Variants in RAB27B observed in about 807,000 individuals in gnomAD.
The protein encoded by RAB27B is RAB27B, member RAS oncogene family.
A neutral mutation model predicts 24.6 loss-of-function variants in RAB27B; 15 were observed. That is an observed-to-expected ratio of 0.61 (90% CI 0.41 to 0.94). The LOEUF is 0.94. RAB27B is among the 40% of genes least tolerant of loss of function. The pLI, the probability that RAB27B is intolerant of heterozygous loss-of-function variation, is 0.00. For synonymous variants in RAB27B, 105 were observed against 92.5 expected (o/e 1.14, Z -0.78); for missense variants, 261 against 266.8 (o/e 0.98, Z 0.15).
At chr18:54,758,047 C>G (rs1338681547) in intron 2 of RAB27B, among the ~76,000 whole-genome samples, 1 of 151,942 alleles carries the variant, frequency 6.6e-6, no homozygotes, top group Non-Finnish European at 1.5e-5. Context: ...GCTCTCGGCT[C>G]TGTTGAGTAT....
At chr18:54,819,273 CTTAT>C (rs1359777491) in intron 2 of RAB27B, among the ~76,000 whole-genome samples, 5 of 147,280 alleles carry the variant, frequency 3.4e-5, no homozygotes, top group African/African-American at 7.4e-5. Context: ...TATTACATTA[CTTAT>C]TTTAGTATAC....
At chr18:54,735,531 T>C (rs1439087879) in intron 2 of RAB27B, among the ~76,000 whole-genome samples, 4 of 151,312 alleles carry the variant, frequency 2.6e-5, no homozygotes, top group Admixed American at 2.0e-4. Context: ...TTTCTGACAC[T>C]TTTTTTTTGA....
intron 5 of RAB27B, among the ~76,000 whole-genome samples, chr18:54,888,876 G>A (rs139262920): frequency 2.6e-4 from 40 of 152,214 alleles, no homozygotes; most frequent in African/African-American, 9.4e-4. Context: ...GAGTGGAAGG[G>A]AAGCAATATT....
intron 2 of RAB27B, among the ~76,000 whole-genome samples, chr18:54,733,662 C>CCA (rs1278956123): frequency 8.1e-5 from 11 of 136,254 alleles, no homozygotes; most frequent in Admixed American, 7.3e-4. Flanking sequence ...CCCCCCCCCC[C>CCA]AAATTTGCTA....
intron 2 of RAB27B, among the ~76,000 whole-genome samples, chr18:54,764,726 T>C (rs2145057414): frequency 6.6e-6 from 1 of 152,284 alleles, no homozygotes; most frequent in African/African-American, 2.4e-5. Context: ...TTTTCCATTG[T>C]CCCTTTTATT....
rs1403105393 is a variant in RAB27B, at chr18:54,820,137, T to A, written c.-19-57430T>A. ...TATAATCCTTTGGGTATATACCCGGTAATGGGATAGCTGGGTCAAATGGTA... is the reference window on the plus strand; with the variant it reads ...TATAATCCTTTGGGTATATACCCGGAAATGGGATAGCTGGGTCAAATGGTA... On this transcript the variant is annotated intron_variant, in intron 2 of 4. Transcript: ENST00000586570. Among the ~76,000 whole-genome samples, 7 of 152,272 alleles carry A rather than the reference T, an allele frequency of 4.6e-5. No homozygotes were observed. The East Asian group carries it at 1.4e-3, about 29-fold the overall frequency.
At chr18:54,785,681 T>C (rs528885806) in intron 2 of RAB27B, among the ~76,000 whole-genome samples, 6 of 152,304 alleles carry the variant, frequency 3.9e-5, no homozygotes, top group African/African-American at 1.4e-4. Context: ...TTCCCTGTTC[T>C]ATGCTCAATG....
intron 1 of RAB27B, among the ~76,000 whole-genome samples, chr18:54,851,674 CT>C (rs1415803163): frequency 1.3e-5 from 2 of 152,084 alleles, no homozygotes; most frequent in African/African-American, 4.8e-5. Context: ...TCTTGTTTGT[CT>C]GCTTTTTTTT....
At chr18:54,868,815 CG>C in intron 1 of RAB27B, among the ~76,000 whole-genome samples, 1 of 152,108 alleles carries the variant, frequency 6.6e-6, no homozygotes, top group Admixed American at 6.5e-5. Context: ...TTAGTAGAGA[CG>C]GGGTTTCACC....
Position 54,889,570 on chromosome 18 carries a change from T to C in RAB27B, c.*157T>C. 1 of 679,018 alleles carries C rather than the reference T, an allele frequency of 1.5e-6. No individual in the cohort carries two copies. The highest frequency in any genetic ancestry group is 2.3e-6 in the Non-Finnish European group (1 of 430,772). The allele number at this position is 679,018 out of a possible 1,614,324, so 42.1% of individuals were successfully genotyped here. A position where few individuals can be genotyped will look rare whatever the true frequency, so the allele number is the denominator to read the frequency against. ...TTTAAGAAACCAGAATAGTCAACAGTGTTCAAAAGAATTGACTAGTTATCC... is the reference window on the plus strand; with the variant it reads ...TTTAAGAAACCAGAATAGTCAACAGCGTTCAAAAGAATTGACTAGTTATCC... On this transcript the variant is annotated 3_prime_UTR_variant, in exon 6 of 6. Coordinates refer to ENST00000262094, the MANE Select transcript of RAB27B (RefSeq NM_004163.4).
At chr18:54,826,572 G>A (rs192935720), upstream of RAB27B, among the ~76,000 whole-genome samples, 142 of 152,316 alleles carry the variant, frequency 9.3e-4, 1 homozygote, top group African/African-American at 3.0e-3. Flanking sequence ...CCCTGCAAGA[G>A]TTGGCCCTAT....
intron 1 of RAB27B, among the ~76,000 whole-genome samples, chr18:54,872,625 T>TA (rs67765103): frequency 0.25 from 34,202 of 137,352 alleles, 4,181 homozygotes; most frequent in South Asian, 0.37. Context: ...AACTCTGCCT[T>TA]AAAAAAAAAA....
At chr18:54,843,425 A>T (rs1228009998) in intron 1 of RAB27B, among the ~76,000 whole-genome samples, 1 of 152,176 alleles carries the variant, frequency 6.6e-6, no homozygotes, top group East Asian at 1.9e-4. Flanking sequence ...ACTCACTGCA[A>T]AGAGAATTTA....
intron 1 of RAB27B, among the ~76,000 whole-genome samples, chr18:54,846,954 G>A (rs562383838): frequency 2.6e-5 from 4 of 152,002 alleles, no homozygotes; most frequent in African/African-American, 9.7e-5. Flanking sequence ...GGGTTCGAGC[G>A]ATTCTCCTGC....
rs929984564 is a variant in RAB27B, at chr18:54,873,223, C to T, written c.-19-4344C>T. ...ACCTGATTACTTGAATTCCTTTTTA[C>T]CTTTACGACTCTTCATTAAACAGAG... On this transcript the variant is annotated intron_variant, in intron 1 of 5. Coordinates refer to ENST00000262094, the MANE Select transcript of RAB27B (RefSeq NM_004163.4). Among the ~76,000 whole-genome samples, 6 of 152,296 alleles carry T rather than the reference C, an allele frequency of 3.9e-5. No homozygotes were observed. In the South Asian group the frequency reaches 1.0e-3, roughly 26 times the overall value.
chr18:54,844,252 A>C (rs963878217), intron 1 of RAB27B, among the ~76,000 whole-genome samples: 1 of 152,116 alleles, frequency 6.6e-6, no homozygotes, highest in Admixed American at 6.5e-5. Flanking sequence ...TAATCCTAAA[A>C]ATTTTCACTA....
chr18:54,803,465 C>T (rs1387233956), intron 2 of RAB27B, among the ~76,000 whole-genome samples: 1 of 152,078 alleles, frequency 6.6e-6, no homozygotes. Context: ...TTGTGTTTTC[C>T]CCTAAACATG....
chr18:54,767,585 T>A (rs1326424638), intron 2 of RAB27B, among the ~76,000 whole-genome samples: 1 of 152,228 alleles, frequency 6.6e-6, no homozygotes, highest in Non-Finnish European at 1.5e-5. Flanking sequence ...TGCCCTTTTG[T>A]GTTTTAGATG....
rs992746406 is a variant in RAB27B, at chr18:54,890,162, A to G, written c.*749A>G. Reference sequence around the variant, plus strand: ...CATTTCTACAGCTGAAATTCAATGTATCTGTTAGAGATGTCTGGAAGGGTT... The same window carrying G: ...CATTTCTACAGCTGAAATTCAATGTGTCTGTTAGAGATGTCTGGAAGGGTT... On this transcript the variant is annotated 3_prime_UTR_variant, in exon 6 of 6. Coordinates refer to ENST00000262094, the MANE Select transcript of RAB27B (RefSeq NM_004163.4). 1.3e-5 allele frequency: 2 copies of G among 152,134 alleles called. No homozygotes were observed. Among genetic ancestry groups the G allele is most frequent in the Non-Finnish European group, 2.9e-5 (2 of 67,980 alleles). 9.4% of individuals were successfully genotyped at this position (152,134 alleles called of 1,614,324 possible).
Sources: gnomAD v4.1 joint callset for allele counts (sites outside exome capture counted in the v4.1 genomes callset) on GRCh38, gnomAD v4.1.1 for gene constraint, MANE v1.5 for transcripts, NCBI Gene and HGNC (gene_info 2026-07-23, HGNC 2026-07-21) for gene names.